SLFN5: variants seen among roughly 807,000 people sequenced by gnomAD.
The protein encoded by SLFN5 is schlafen family member 5.
Under a neutral mutation model 48.5 loss-of-function variants are expected in SLFN5, and 34 were observed. The observed-to-expected ratio is 0.70, with a 90% CI of 0.53 to 0.93. SLFN5 has a LOEUF of 0.93. Ranked by LOEUF, SLFN5 falls within the 40% of genes least tolerant of loss-of-function variation. The pLI, the probability that SLFN5 is intolerant of heterozygous loss-of-function variation, is 0.00. For missense variants in SLFN5, 1,006 were observed against 1,071.3 expected, an observed-to-expected ratio of 0.94 and a Z score of 0.85; for synonymous variants, 387 against 396.2, an observed-to-expected ratio of 0.98 and a Z score of 0.28.
rs139414748 is a variant in SLFN5, at chr17:35,265,520, C to T, written c.2308C>T (p.Leu770=). 34 of 1,614,228 alleles carry T rather than the reference C, an allele frequency of 2.1e-5. No homozygotes were observed. The African/African-American group carries it at 4.0e-4, about 19-fold the overall frequency. Reference sequence around the variant, plus strand: ...TGAAGACTTGAACTTGGAGGAGATACTGATCTATGTAGCGAATAAATGCCG... The same window carrying T: ...TGAAGACTTGAACTTGGAGGAGATATTGATCTATGTAGCGAATAAATGCCG... ...IIEDLNLEEI[L]IYVANKCRFL... is the part of the protein sequence containing the mutation. Residue 770 remains leucine, a synonymous_variant, in exon 5 of 5, where the codon CTG becomes TTG. Transcript: ENST00000299977.
Position 35,258,841 on chromosome 17 carries a change from C to G in SLFN5, c.151C>G (p.Leu51Val). ...CATCCTGCGAGCAGTATGTGCTCTG[C>G]TGAATTCTGGTGGGGGCATAATCAA... ...EIILRAVCALLNSGGGIIKAE... is the reference protein window; with the variant it reads ...EIILRAVCALVNSGGGIIKAE... The change falls in exon 2 of 5, where the codon CTG (leucine) becomes GTG (valine). Residue 51 changes from leucine (L) to valine (V), a missense_variant. Physicochemically the swap from Leu to Val is conservative, Grantham distance 32. Coordinates refer to ENST00000299977, the MANE Select transcript of SLFN5 (RefSeq NM_144975.4). The G allele has an allele frequency of 6.2e-7, 1 of 1,614,178 alleles. No homozygotes were observed. Among genetic ancestry groups the G allele is most frequent in the Non-Finnish European group, 8.5e-7 (1 of 1,180,040 alleles).
intron 1 of SLFN5, among the ~76,000 whole-genome samples, chr17:35,245,228 A>T (rs1230010863): frequency 6.6e-6 from 1 of 152,248 alleles, no homozygotes; most frequent in African/African-American, 2.4e-5. Context: ...GGGGCCATTA[A>T]ATAAAATAAG....
chr17:35,244,883 TA>T (rs796987423), intron 1 of SLFN5, among the ~76,000 whole-genome samples: 10 of 151,866 alleles, frequency 6.6e-5, no homozygotes, highest in African/African-American at 1.9e-4. Flanking sequence ...CCCCCCACCA[TA>T]AAAAAAGTCA....
chr17:35,259,865 G>A (rs778421355), intron 2 of SLFN5, 163 bp downstream of exon 2: 6 of 806,278 alleles, frequency 7.4e-6, no homozygotes, highest in Non-Finnish European at 9.5e-6. Context: ...GTAGTTCGTG[G>A]ATTATTGCCC....
chr17:35,267,773 G>T lies in SLFN5; in HGVS notation c.*1885G>T, dbSNP rs1047571901. The T allele has an allele frequency of 1.3e-5, 2 of 152,026 alleles. No individual in the cohort carries two copies. 9.4% of individuals were successfully genotyped at this position (152,026 alleles called of 1,614,324 possible). A position where few individuals can be genotyped will look rare whatever the true frequency, so the allele number is the denominator to read the frequency against. On this transcript the variant is annotated 3_prime_UTR_variant, in exon 5 of 5. Transcript: ENST00000299977. ...AAGAATTTAAAAGTTTTATATAAAG[G>T]CATAGCTACTATCTCATCTGCCCAG...
At chr17:35,254,616 A>G (rs2092450352) in intron 1 of SLFN5, among the ~76,000 whole-genome samples, 1 of 152,222 alleles carries the variant, frequency 6.6e-6, no homozygotes, top group African/African-American at 2.4e-5. Flanking sequence ...TTTGCCAGCA[A>G]TGCCCAGCAT....
Position 35,243,100 on chromosome 17 carries a change from G to C in SLFN5, c.-84G>C, listed in dbSNP as rs927799744. 1 of 152,300 alleles carries C rather than the reference G, an allele frequency of 6.6e-6. No individual in the cohort carries two copies. Among genetic ancestry groups the C allele is most frequent in the African/African-American group, 2.4e-5 (1 of 41,464 alleles). The allele number at this position is 152,300 out of a possible 1,614,324, so 9.4% of individuals were successfully genotyped here. On this transcript the variant is annotated 5_prime_UTR_variant, in exon 1 of 5. Coordinates refer to ENST00000299977, the MANE Select transcript of SLFN5 (RefSeq NM_144975.4). ...TGCTCTGGACTTGGGAGGCTCCGTTGCCTGCTCCCGGAGGGAGACGCGCTG... is the reference window on the plus strand; with the variant it reads ...TGCTCTGGACTTGGGAGGCTCCGTTCCCTGCTCCCGGAGGGAGACGCGCTG...
intron 2 of SLFN5, chr17:35,259,911 A>G: frequency 1.6e-6 from 1 of 607,356 alleles, no homozygotes; most frequent in East Asian, 3.0e-5. Context: ...GTCTTCATTC[A>G]ACAGATGCCC....
chr17:35,247,925 T>C (rs1030403371), intron 1 of SLFN5, among the ~76,000 whole-genome samples: 6 of 152,188 alleles, frequency 3.9e-5, no homozygotes, highest in African/African-American at 1.2e-4. Flanking sequence ...AGCTTCACTT[T>C]GGTCCACGGG....
rs778789134 is a variant in SLFN5, at chr17:35,264,216, G to T, written c.1172G>T (p.Ser391Ile). ...GACAGAGTGGTATATACTCCAGAAA[G>T]CCTCTACAAGGAACTCTTCTCACAA... ...FSDRVVYTPE[S>I]LYKELFSQHK... is the part of the protein sequence containing the mutation. Residue 391 changes from serine (S) to isoleucine (I), a missense_variant, in exon 4 of 5, where the codon AGC becomes ATC. Transcript: ENST00000299977. The T allele has an allele frequency of 1.1e-5, 18 of 1,612,472 alleles. No individual in the cohort carries two copies. In the South Asian group the frequency reaches 1.8e-4, roughly 16 times the overall value.
intron 3 of SLFN5, among the ~76,000 whole-genome samples, chr17:35,262,793 A>G (rs183951365): frequency 1.7e-3 from 252 of 152,136 alleles, no homozygotes; most frequent in African/African-American, 6.0e-3. Flanking sequence ...GAGCTCAGGA[A>G]GTAGAGGCTG....
At chr17:35,251,377 A>G (rs2092441933) in intron 1 of SLFN5, among the ~76,000 whole-genome samples, 1 of 152,142 alleles carries the variant, frequency 6.6e-6, no homozygotes, top group South Asian at 2.1e-4. Context: ...CATGCAACAC[A>G]AACATTACTA....
chr17:35,246,588 C>T (rs1252756191), intron 1 of SLFN5, among the ~76,000 whole-genome samples: 1 of 152,174 alleles, frequency 6.6e-6, no homozygotes, highest in Non-Finnish European at 1.5e-5. Context: ...GGTGCAGTGG[C>T]TCATGCCTGT....
rs138507199 is a variant in SLFN5, at chr17:35,264,384, A to G, written c.1340A>G (p.Asn447Ser). 2.2e-4 allele frequency: 358 copies of G among 1,614,116 alleles called. No homozygotes were observed. In the African/African-American group the frequency reaches 3.8e-3, roughly 17 times the overall value. ...TGTGATGCTCTTCTAATTTCCCAGA[A>G]CAACACCCCTATTCTCTACACCATC... ...VICDALLISQ[N>S]NTPILYTIFS... Residue 447 changes from asparagine (N) to serine (S), a missense_variant, in exon 4 of 5, where the codon AAC (asparagine) becomes AGC (serine). Transcript: ENST00000299977.
chr17:35,251,161 A>G (rs1320846075), intron 1 of SLFN5, among the ~76,000 whole-genome samples: 1 of 152,156 alleles, frequency 6.6e-6, no homozygotes, highest in Admixed American at 6.5e-5. Flanking sequence ...CATTTTGTCT[A>G]TTTGTGCGAG....
Position 35,266,177 on chromosome 17 carries a change from T to TGCGTGC in SLFN5, c.*292_*293insTGCGCG. On this transcript the variant is annotated 3_prime_UTR_variant, in exon 5 of 5. Coordinates refer to ENST00000299977, the MANE Select transcript of SLFN5 (RefSeq NM_144975.4). ...GTGTGTGTGTGTGTGTGTGTGTGTG[T>TGCGTGC]GCGCGCGCGCACGTGCACATGTGTG... 1 of 170,412 alleles carries TGCGTGC rather than the reference T, an allele frequency of 5.9e-6. No individual in the cohort carries two copies. 10.6% of individuals were successfully genotyped at this position (170,412 alleles called of 1,614,324 possible). A position where few individuals can be genotyped will look rare whatever the true frequency, so the allele number is the denominator to read the frequency against.
In SLFN5 at chr17:35,265,119, T is replaced by A. The variant is rs774616679; in HGVS notation, c.1907T>A (p.Met636Lys). The part of the protein sequence containing the change: ...ICQPVTRKTF[M>K]KNNFEHIQHI... ...CAGCCAGTGACCCGGAAAACCTTCA[T>A]GAAAAACAACTTTGAACACATCCAG... The change falls in exon 5 of 5, where the codon ATG (methionine) becomes AAG (lysine). Residue 636 changes from methionine to lysine, a missense_variant. Physicochemically the swap from Met to Lys is moderately conservative, Grantham distance 95 (BLOSUM62 -1). Coordinates refer to ENST00000299977, the MANE Select transcript of SLFN5 (RefSeq NM_144975.4). 46 of 1,613,490 alleles carry A rather than the reference T, an allele frequency of 2.9e-5. No individual in the cohort carries two copies.
intron 3 of SLFN5, among the ~76,000 whole-genome samples, chr17:35,262,805 A>G (rs1904557837): frequency 6.6e-6 from 1 of 152,166 alleles, no homozygotes; most frequent in African/African-American, 2.4e-5. Context: ...TAGAGGCTGC[A>G]GTGAGCCATG....
chr17:35,264,451 AGTTGCCTATTCTTT>A lies in SLFN5; in HGVS notation c.1409_1422del (p.Val470GlufsTer26). On this transcript the variant is annotated frameshift_variant, in exon 4 of 5. Coordinates refer to ENST00000299977, the MANE Select transcript of SLFN5 (RefSeq NM_144975.4). LOFTEE classifies it high-confidence loss of function. ...CGGGGTGCAAGGGCTATTCTATGATAGTTGCCTATTCTTTGAAGCAGAAGCTGGTGAACAAAGGC... is the reference window on the plus strand; with the variant it reads ...CGGGGTGCAAGGGCTATTCTATGATAGAAGCAGAAGCTGGTGAACAAAGGC... 2 of 1,614,150 alleles carry A rather than the reference AGTTGCCTATTCTTT, an allele frequency of 1.2e-6. No individual in the cohort carries two copies. The highest frequency in any genetic ancestry group is 1.7e-6 in the Non-Finnish European group (2 of 1,180,022).
Sources: allele counts gnomAD v4.1 joint callset (sites outside exome capture counted in the v4.1 genomes callset), GRCh38; gene constraint gnomAD v4.1.1; transcripts MANE v1.5; gene names NCBI Gene and HGNC (gene_info 2026-07-23, HGNC 2026-07-21).